The following CNTNAP2 variants were observed in gnomAD, a reference collection of about 807,000 sequenced individuals.
CNTNAP2 encodes the protein contactin associated protein 2.
A neutral mutation model predicts 155.2 loss-of-function variants in CNTNAP2; 98 were observed. The ratio of observed to expected loss-of-function variants is 0.63; its 90% CI spans 0.54 to 0.75. The LOEUF is 0.75. CNTNAP2 is among the 30% of genes least tolerant of loss of function. The pLI, the probability that CNTNAP2 is intolerant of heterozygous loss-of-function variation, is 0.00. For missense variants in CNTNAP2, 1,727 were observed against 1,688.1 expected (o/e 1.02, Z -0.40); for synonymous variants, 651 against 631.2 (o/e 1.03, Z -0.47).
chr7:146,266,646 T>C (rs1799998405), intron 1 of CNTNAP2, among the ~76,000 whole-genome samples: 1 of 152,122 alleles, frequency 6.6e-6, no homozygotes, highest in Admixed American at 6.5e-5. Context: ...TGCAGCAGAA[T>C]GGGAGGCAGT....
At chr7:148,074,216 G>C (rs12671444) in intron 15 of CNTNAP2, among the ~76,000 whole-genome samples, 2 of 151,768 alleles carry the variant, frequency 1.3e-5, no homozygotes, top group Non-Finnish European at 2.9e-5. Flanking sequence ...CTTCCCCCCA[G>C]CTTTGTCTCT....
chr7:146,328,750 T>A (rs1801135771), intron 1 of CNTNAP2, among the ~76,000 whole-genome samples: 1 of 152,196 alleles, frequency 6.6e-6, no homozygotes, highest in African/African-American at 2.4e-5. Context: ...GAATTTAACT[T>A]TTGCTTTAGA....
intron 21 of CNTNAP2, among the ~76,000 whole-genome samples, chr7:148,348,210 C>T (rs1798361016): frequency 6.6e-6 from 1 of 152,176 alleles, no homozygotes; most frequent in Non-Finnish European, 1.5e-5. Context: ...GAGTGGGCCC[C>T]ATCAGAGGGT....
intron 5 of CNTNAP2, among the ~76,000 whole-genome samples, chr7:147,118,879 G>A (rs1801042801): frequency 6.6e-6 from 1 of 152,130 alleles, no homozygotes; most frequent in Admixed American, 6.5e-5. Context: ...AAAGAAAATA[G>A]ACCAAATTAT....
At chr7:147,795,743 T>A (rs1563092131) in intron 13 of CNTNAP2, among the ~76,000 whole-genome samples, 1 of 152,178 alleles carries the variant, frequency 6.6e-6, no homozygotes, top group Non-Finnish European at 1.5e-5. Context: ...CTAGCTCTGT[T>A]ATTAACTAGT....
chr7:146,674,819 T>C (rs547142246), intron 1 of CNTNAP2, among the ~76,000 whole-genome samples: 1 of 152,284 alleles, frequency 6.6e-6, no homozygotes, highest in South Asian at 2.1e-4. Context: ...AAATAAGGGC[T>C]ATTTAGTAAG....
intron 1 of CNTNAP2, among the ~76,000 whole-genome samples, chr7:146,350,344 C>A (rs1324303089): frequency 1.3e-5 from 2 of 151,966 alleles, no homozygotes; most frequent in Non-Finnish European, 2.9e-5. Context: ...AAAAAACAAA[C>A]AACCCCATCA....
At chr7:148,227,209 G>A (rs897535818) in intron 19 of CNTNAP2, among the ~76,000 whole-genome samples, 5 of 152,142 alleles carry the variant, frequency 3.3e-5, no homozygotes, top group East Asian at 1.9e-4. Flanking sequence ...ATTCTGTGCC[G>A]AGTGAAGATG....
chr7:148,177,325 G>C (rs564556904), intron 18 of CNTNAP2, among the ~76,000 whole-genome samples: 1 of 152,304 alleles, frequency 6.6e-6, no homozygotes, highest in South Asian at 2.1e-4. Context: ...GGTACTGACA[G>C]ACATAGAAGG....
In CNTNAP2 at chr7:147,851,177, AT is replaced by A. The variant is rs1381506418; in HGVS notation, c.2099-52387del. Among the ~76,000 whole-genome samples the A allele has an allele frequency of 1.2e-4, 19 of 152,290 alleles. No homozygotes were observed. The South Asian group carries it at 3.7e-3, about 30-fold the overall frequency. The stretch of plus-strand genomic sequence containing the variant: ...CCAACAGACACATGAAAAAATGCTC[AT>A]CATCACTGGCCATCAGAGAAATGCA... On this transcript the variant is annotated intron_variant, in intron 13 of 23. Coordinates refer to ENST00000361727, the MANE Select transcript of CNTNAP2 (RefSeq NM_014141.6).
chr7:146,787,847 G>C (rs1472853247), intron 2 of CNTNAP2, among the ~76,000 whole-genome samples: 1 of 152,228 alleles, frequency 6.6e-6, no homozygotes, highest in African/African-American at 2.4e-5. Context: ...CACCAGATTA[G>C]CTAGACATAG....
rs186363205 is a variant in CNTNAP2 at position 147,443,909 on chromosome 7, G to A, written c.1671-42026G>A. ...TCAGGAAGATTATCTCCTCCAAGACGTAGAAATTTGCCAGCTACATTTGTT... is the reference window on the plus strand; with the variant it reads ...TCAGGAAGATTATCTCCTCCAAGACATAGAAATTTGCCAGCTACATTTGTT... On this transcript the variant is annotated intron_variant, in intron 10 of 23. Transcript: ENST00000361727. Among the ~76,000 whole-genome samples, 578 of 152,264 alleles carry A rather than the reference G, an allele frequency of 3.8e-3. 7 individuals carry two copies. Among genetic ancestry groups the A allele is most frequent in the Non-Finnish European group, 2.9e-3 (195 of 68,024 alleles).
chr7:147,473,661 G>T (rs181356176), intron 10 of CNTNAP2, among the ~76,000 whole-genome samples: 3 of 152,326 alleles, frequency 2.0e-5, no homozygotes, highest in African/African-American at 7.2e-5. Flanking sequence ...ACAGCATCCA[G>T]TGTCTTCCTT....
At chr7:148,264,269 A>T (rs1459529066) in intron 20 of CNTNAP2, among the ~76,000 whole-genome samples, 2 of 152,198 alleles carry the variant, frequency 1.3e-5, no homozygotes, top group Non-Finnish European at 2.9e-5. Context: ...ACAAAACATA[A>T]TATGTGTTAG....
intron 20 of CNTNAP2, among the ~76,000 whole-genome samples, chr7:148,237,011 A>T (rs938965134): frequency 6.6e-6 from 1 of 152,168 alleles, no homozygotes; most frequent in Non-Finnish European, 1.5e-5. Flanking sequence ...ACTCAACATG[A>T]GATTTGAGCA....
chr7:146,351,629 TCAGA>T (rs1176536073), intron 1 of CNTNAP2, among the ~76,000 whole-genome samples: 1 of 152,214 alleles, frequency 6.6e-6, no homozygotes, highest in African/African-American at 2.4e-5. Flanking sequence ...TACTTTATGT[TCAGA>T]CAGTTGAATT....
At chr7:147,802,641 CG>C (rs1423864471) in intron 13 of CNTNAP2, among the ~76,000 whole-genome samples, 2 of 151,778 alleles carry the variant, frequency 1.3e-5, no homozygotes, top group Non-Finnish European at 2.9e-5. Flanking sequence ...TCAGGCGTGG[CG>C]GCGCGCACCT....
chr7:146,667,057 T>A (rs1800208144), intron 1 of CNTNAP2, among the ~76,000 whole-genome samples: 1 of 152,154 alleles, frequency 6.6e-6, no homozygotes, highest in Non-Finnish European at 1.5e-5. Flanking sequence ...CATAAAATAT[T>A]TTCCAGACCA....
At chr7:146,886,180 A>C (rs1271806780) in intron 3 of CNTNAP2, among the ~76,000 whole-genome samples, 1 of 150,100 alleles carries the variant, frequency 6.7e-6, no homozygotes, top group Non-Finnish European at 1.5e-5. Context: ...ATGTTTTTTC[A>C]TGTGTTTTAT....
Sources: allele counts gnomAD v4.1 joint callset (sites outside exome capture counted in the v4.1 genomes callset), GRCh38; gene constraint gnomAD v4.1.1; transcripts MANE v1.5; gene names NCBI Gene and HGNC (gene_info 2026-07-23, HGNC 2026-07-21).